Variants in SLC28A1 observed in about 807,000 individuals in gnomAD.
SLC28A1 encodes sodium/nucleoside cotransporter 1.
Under a neutral mutation model 74.8 loss-of-function variants are expected in SLC28A1, and 64 were observed. The ratio of observed to expected loss-of-function variants is 0.86; its 90% CI spans 0.70 to 1.05. The LOEUF (loss-of-function observed/expected upper bound fraction) is 1.05, where lower values mean the gene tolerates loss of function less well. Ranked by LOEUF, SLC28A1 falls within the 50% of genes least tolerant of loss-of-function variation. The pLI, the probability that SLC28A1 is intolerant of heterozygous loss-of-function variation, is 0.00. For synonymous variants in SLC28A1, 359 were observed against 335.0 expected (o/e 1.07, Z -0.78); for missense variants, 828 against 822.8 (o/e 1.01, Z -0.08).
At chr15:84,952,181 C>T in the SLC28A1 span, among the ~76,000 whole-genome samples, 13 of 152,292 alleles carry the variant, frequency 8.5e-5, no homozygotes, top group South Asian at 4.1e-4. Context: ...TCCCACCTGC[C>T]AAACACTGCA....
chr15:84,904,074 G>A (rs767118623), intron 6 of SLC28A1, 23 bp from the exon 7 acceptor site: 1 of 1,614,122 alleles, frequency 6.2e-7, no homozygotes, highest in Non-Finnish European at 8.5e-7. Context: ...TGAGGGTAAT[G>A]GCTTTCTGTC....
intron 16 of SLC28A1, 29 bp from the exon 17 acceptor site, chr15:84,944,537 A>G: frequency 6.6e-7 from 1 of 1,516,440 alleles, no homozygotes; most frequent in Non-Finnish European, 9.2e-7. Flanking sequence ...ACAGCTTCCC[A>G]GGCCCTGAGC....
At chr15:84,963,935 C>T in the SLC28A1 span, among the ~76,000 whole-genome samples, 16 of 152,168 alleles carry the variant, frequency 1.1e-4, no homozygotes, top group African/African-American at 3.6e-4. Context: ...TCCTTCCTCT[C>T]GGCTCTTCCA....
At chr15:84,938,081 T>A (rs1245990318) in intron 15 of SLC28A1, among the ~76,000 whole-genome samples, 3 of 151,016 alleles carry the variant, frequency 2.0e-5, no homozygotes, top group Non-Finnish European at 4.4e-5. Flanking sequence ...GCGCATGTAA[T>A]CCCAGCTACT....
chr15:84,928,551 T>C (rs574111957), intron 12 of SLC28A1, among the ~76,000 whole-genome samples: 1 of 21,886 alleles, frequency 4.6e-5, no homozygotes, highest in East Asian at 3.5e-3. Flanking sequence ...TCTTTCTTTC[T>C]TTCTTTCTTT....
intron 15 of SLC28A1, among the ~76,000 whole-genome samples, chr15:84,941,355 G>A (rs113455607): frequency 1.3e-4 from 20 of 151,872 alleles, no homozygotes; most frequent in African/African-American, 2.4e-4. Context: ...ACAGGCACCC[G>A]CCACTGTGCC....
intron 13 of SLC28A1, among the ~76,000 whole-genome samples, chr15:84,934,528 C>T (rs74680749): frequency 0.027 from 4,047 of 152,242 alleles, 83 homozygotes; most frequent in Middle Eastern, 0.054. Flanking sequence ...AGCGGATGAC[C>T]CCAACCTCAC....
intron 9 of SLC28A1, among the ~76,000 whole-genome samples, chr15:84,910,201 T>A (rs948450883): frequency 4.6e-5 from 7 of 152,218 alleles, no homozygotes; most frequent in African/African-American, 1.7e-4. Flanking sequence ...TTGCCCATCA[T>A]GTTTTCTGAG....
At chr15:84,906,740 G>A (rs1436327736) in intron 8 of SLC28A1, among the ~76,000 whole-genome samples, 3 of 150,640 alleles carry the variant, frequency 2.0e-5, no homozygotes, top group Non-Finnish European at 4.4e-5. Flanking sequence ...CTTGAGCCAC[G>A]GTGCCCAGCC....
chr15:84,912,797 T>TGCGTGC (rs1555449051), intron 9 of SLC28A1, among the ~76,000 whole-genome samples: 1 of 118,250 alleles, frequency 8.5e-6, no homozygotes, highest in Admixed American at 8.1e-5. Flanking sequence ...TGCCAAATTT[T>TGCGTGC]GCGCGCGCGC....
chr15:84,900,163 A>T (rs1469499187), intron 6 of SLC28A1, among the ~76,000 whole-genome samples: 1 of 151,522 alleles, frequency 6.6e-6, no homozygotes, highest in African/African-American at 2.4e-5. Context: ...ATAAAAATAT[A>T]TATATAAAAA....
At chr15:84,919,785 A>G (rs1969579277) in intron 10 of SLC28A1, among the ~76,000 whole-genome samples, 1 of 152,112 alleles carries the variant, frequency 6.6e-6, no homozygotes, top group African/African-American at 2.4e-5. Context: ...GCAATCAAAT[A>G]TATATATATT....
chr15:84,888,753 G>GGCTCCCTGC lies in SLC28A1; in HGVS notation c.97-17_97-9dup, dbSNP rs1964910340. On this transcript the variant is annotated intron_variant, in intron 3 of 18. Transcript: ENST00000394573. ...TGGGTAAGGGGCAGGCCGACCTGAC[G>GGCTCCCTGC]GCTCCCTGCGGGCTGTAGGAGGAAG... is the stretch of plus-strand genomic sequence containing the variant. 6.5e-7 allele frequency: 1 copy of GGCTCCCTGC among 1,544,892 alleles called. No individual in the cohort carries two copies. The highest frequency in any genetic ancestry group is 1.2e-5 in the South Asian group (1 of 83,934).
In SLC28A1 at chr15:84,897,753, G is replaced by A. The variant is rs139245785; in HGVS notation, c.461+2630G>A. Among the ~76,000 whole-genome samples the A allele has an allele frequency of 1.1e-4, 17 of 152,220 alleles. No homozygotes were observed. In the Middle Eastern group the frequency reaches 0.01, roughly 92 times the overall value. On this transcript the variant is annotated intron_variant, in intron 6 of 18. Transcript: ENST00000394573. ...ATTTCTTCTCTCAAACTGTATATTT[G>A]TACCCATTAATCAACTACTCGTCAT...
the SLC28A1 span, among the ~76,000 whole-genome samples, chr15:84,964,539 G>A: frequency 6.6e-6 from 1 of 152,228 alleles, no homozygotes; most frequent in African/African-American, 2.4e-5. Context: ...TTTACATGAT[G>A]TGAGATTTTT....
At chr15:84,962,998 G>A in the SLC28A1 span, among the ~76,000 whole-genome samples, 14 of 152,284 alleles carry the variant, frequency 9.2e-5, no homozygotes, top group South Asian at 2.7e-3. Context: ...GATGATGGAT[G>A]TTCTGCATTT....
intron 18 of SLC28A1, 43 bp downstream of exon 18, chr15:84,944,910 TAGAC>T (rs780266586): frequency 2.2e-6 from 3 of 1,389,792 alleles, no homozygotes; most frequent in African/African-American, 1.4e-5. Flanking sequence ...CCCACAGTGA[TAGAC>T]AGAATGCCTG....
At chr15:84,937,807 G>T (rs1972117936) in intron 15 of SLC28A1, among the ~76,000 whole-genome samples, 1 of 152,160 alleles carries the variant, frequency 6.6e-6, no homozygotes, top group Non-Finnish European at 1.5e-5. Flanking sequence ...TGAGGCACGA[G>T]AATTTCTTGA....
At position 84,924,005 on chromosome 15, in the gene SLC28A1, C is replaced by G. The variant is rs762020765; in HGVS notation, c.978C>G (p.Ile326Met). The change falls in exon 12 of 19, where the codon ATC becomes ATG. Residue 326 changes from isoleucine to methionine, a missense_variant. Physicochemically the swap from Ile to Met is conservative, Grantham distance 10 (BLOSUM62 1). Around this residue, in one of 3 missense-constraint regions of SLC28A1, gnomAD observed 767 missense variants for 753.5 expected, o/e 1.02. Transcript: ENST00000394573. ...TGCAGACCGAGGCTCCATTACTGAT[C>G]CGGCCCTACTTGGCAGACATGACAC... ...FVSQTEAPLL[I>M]RPYLADMTLS... is the part of the protein sequence containing the mutation. The G allele has an allele frequency of 6.2e-7, 1 of 1,614,100 alleles. No homozygotes were observed. Among genetic ancestry groups the G allele is most frequent in the South Asian group, 1.1e-5 (1 of 91,082 alleles).
Sources: gnomAD v4.1 joint callset for allele counts (sites outside exome capture counted in the v4.1 genomes callset) on GRCh38, gnomAD v4.1.1 for gene constraint, gnomAD v4.1.1 regional missense constraint, MANE v1.5 for transcripts, NCBI Gene and HGNC (gene_info 2026-07-23, HGNC 2026-07-21) for gene names.